Variants in POLR2B observed in about 807,000 individuals in gnomAD.
POLR2B encodes the protein RNA polymerase II subunit B, also known as DNA-directed RNA polymerase II subunit RPB2.
In POLR2B, 57 loss-of-function variants were observed where a neutral mutation model predicts 144.6. The ratio of observed to expected loss-of-function variants is 0.39; its 90% CI spans 0.32 to 0.49. The LOEUF is 0.49. Ranked by LOEUF, POLR2B falls within the 20% of genes least tolerant of loss-of-function variation. The pLI, the probability that POLR2B is intolerant of heterozygous loss-of-function variation, is 0.83. For synonymous variants in POLR2B, 442 were observed against 469.8 expected (o/e 0.94, Z 0.77); for missense variants, 595 against 1,467.4 (o/e 0.41, Z 9.71).
chr4:57,011,287 T>G (rs534121014), intron 13 of POLR2B, among the ~76,000 whole-genome samples, 187 bp downstream of exon 13: 1 of 152,334 alleles, frequency 6.6e-6, no homozygotes, highest in South Asian at 2.1e-4. Context: ...CCCAGCACTT[T>G]GGGAGGCCGA....
intron 16 of POLR2B, among the ~76,000 whole-genome samples, chr4:57,019,807 A>C (rs1723484086): frequency 6.8e-6 from 1 of 147,938 alleles, no homozygotes; most frequent in African/African-American, 2.5e-5. Flanking sequence ...ATTGTATTCA[A>C]ACCTAACGAT....
In POLR2B at chr4:57,010,162, A is replaced by G. The variant is rs2109690512; in HGVS notation, c.1405-199A>G. ...ACCATAAACAGAATGTTTATGTGGT[A>G]TGTTTGAATATATTTGCCATCCCTG... On this transcript the variant is annotated intron_variant, in intron 10 of 24. Coordinates refer to ENST00000314595, the MANE Select transcript of POLR2B (RefSeq NM_000938.3). The G allele has an allele frequency of 5.6e-6, 3 of 536,546 alleles. No homozygotes were observed. In the Middle Eastern group the frequency reaches 1.5e-3, roughly 273 times the overall value. The allele number at this position is 536,546 out of a possible 1,614,324, so 33.2% of individuals were successfully genotyped here.
chr4:57,001,511 T>C (rs1722854836), intron 7 of POLR2B, among the ~76,000 whole-genome samples: 1 of 152,218 alleles, frequency 6.6e-6, no homozygotes, highest in Admixed American at 6.5e-5. Context: ...GGACAGGCCA[T>C]TTATTTTGTA....
Position 57,017,648 on chromosome 4 carries a change from C to T in POLR2B, c.2243C>T (p.Ala748Val). The change falls in exon 16 of 25, where the codon GCC (alanine) becomes GTC (valine). Residue 748 changes from alanine (A) to valine (V), a missense_variant. Around this residue, in one of 9 missense-constraint regions of POLR2B, gnomAD observed 39 missense variants for 174.3 expected, o/e 0.22. Transcript: ENST00000314595. The surrounding 1 kb of genome is among the most constrained non-coding windows in gnomAD (Gnocchi z 4.8). Reference protein sequence around the residue: ...TNFHVRMDTLAHVLYYPQKPL... With the variant: ...TNFHVRMDTLVHVLYYPQKPL... ...TTCCATGTTCGCATGGACACATTGG[C>T]CCATGTTCTCTATTATCCTCAAAAG... 2.5e-6 allele frequency: 4 copies of T among 1,613,024 alleles called. No homozygotes were observed. The highest frequency in any genetic ancestry group is 3.4e-6 in the Non-Finnish European group (4 of 1,179,034).
chr4:57,002,670 T>C (rs1035001854), intron 7 of POLR2B: 12 of 152,186 alleles, frequency 7.9e-5, no homozygotes, highest in African/African-American at 2.9e-4. Context: ...ATTGGAATTT[T>C]GATGTTTAAA....
intron 16 of POLR2B, among the ~76,000 whole-genome samples, chr4:57,020,679 G>C (rs939327177): frequency 5.9e-5 from 9 of 152,096 alleles, no homozygotes; most frequent in Admixed American, 1.3e-4. Flanking sequence ...GATACATTGG[G>C]AGTGACTAGT....
chr4:57,005,149 TA>T (rs1446234904), intron 7 of POLR2B, 96 bp from the exon 8 acceptor site: 10 of 613,440 alleles, frequency 1.6e-5, no homozygotes, highest in South Asian at 3.2e-5. Flanking sequence ...ATTATGTTCA[TA>T]GGGGTACTTG....
intron 10 of POLR2B, chr4:57,009,714 A>G (rs1011439092): frequency 6.6e-6 from 1 of 152,158 alleles, no homozygotes; most frequent in African/African-American, 2.4e-5. Context: ...GAGAAAGGTG[A>G]TGCTGCTTAT....
chr4:56,994,383 T>C, intron 3 of POLR2B, 21 bp from the exon 4 acceptor site: 1 of 1,235,962 alleles, frequency 8.1e-7, no homozygotes. Context: ...ACCCTTTTCA[T>C]GTTTTTTTGT....
Position 57,022,022 on chromosome 4 carries a change from A to C in POLR2B, c.2421-130A>C. On this transcript the variant is annotated intron_variant, in intron 17 of 24. Coordinates refer to ENST00000314595, the MANE Select transcript of POLR2B (RefSeq NM_000938.3). Reference sequence around the variant, plus strand: ...AGAGTTTAACTCAGATCCTTAATGCAGTTACTCTTGTCCCAGATTCGTAGT... The same window carrying C: ...AGAGTTTAACTCAGATCCTTAATGCCGTTACTCTTGTCCCAGATTCGTAGT... 6.5e-6 allele frequency: 4 copies of C among 615,490 alleles called. No homozygotes were observed. The South Asian group carries it at 8.2e-5, about 13-fold the overall frequency. 38.1% of individuals were successfully genotyped at this position (615,490 alleles called of 1,614,324 possible). A position where few individuals can be genotyped will look rare whatever the true frequency, so the allele number is the denominator to read the frequency against.
chr4:56,999,022 T>A (rs1722774081), intron 6 of POLR2B, among the ~76,000 whole-genome samples: 1 of 152,150 alleles, frequency 6.6e-6, no homozygotes, highest in Non-Finnish European at 1.5e-5. Flanking sequence ...CATAGGTTAG[T>A]AACTTTTAAT....
intron 14 of POLR2B, among the ~76,000 whole-genome samples, chr4:57,015,910 C>G (rs945136118): frequency 6.6e-6 from 1 of 152,104 alleles, no homozygotes; most frequent in African/African-American, 2.4e-5. Context: ...AGGTGTGTGC[C>G]ACCACACCCA....
At chr4:56,979,111 G>C in intron 1 of POLR2B, 107 bp downstream of exon 1, 1 of 1,165,654 alleles carries the variant, frequency 8.6e-7, no homozygotes, top group Non-Finnish European at 1.3e-6. Flanking sequence ...CGGCTGCACA[G>C]TCCCCAGCCT....
chr4:56,996,441 C>T lies in POLR2B; in HGVS notation c.735+1032C>T, dbSNP rs895317116. Among the ~76,000 whole-genome samples, 9 of 150,542 alleles carry T rather than the reference C, an allele frequency of 6.0e-5. No homozygotes were observed. The South Asian group carries it at 6.3e-4, about 11-fold the overall frequency. ...GACTACAGGCGCCCGCCACCGCGCCCGGCTAATTTTTTTTTTGTATTTTTA... is the reference window on the plus strand; with the variant it reads ...GACTACAGGCGCCCGCCACCGCGCCTGGCTAATTTTTTTTTTGTATTTTTA... On this transcript the variant is annotated intron_variant, in intron 6 of 24. Coordinates refer to ENST00000314595, the MANE Select transcript of POLR2B (RefSeq NM_000938.3).
intron 10 of POLR2B, among the ~76,000 whole-genome samples, chr4:57,007,275 T>C (rs1470511820): frequency 2.0e-5 from 3 of 152,000 alleles, no homozygotes; most frequent in African/African-American, 4.8e-5. Flanking sequence ...CTGGGCATGG[T>C]GGTGGGTGTC....
intron 3 of POLR2B, among the ~76,000 whole-genome samples, chr4:56,992,646 G>A (rs1167496199): frequency 1.4e-4 from 20 of 145,628 alleles, no homozygotes; most frequent in African/African-American, 5.1e-4. Flanking sequence ...TGCAGGCTCC[G>A]CCTTCCGGGT....
At position 56,978,966 on chromosome 4, in the gene POLR2B, C is replaced by T; in HGVS notation, c.-20C>T. On this transcript the variant is annotated 5_prime_UTR_variant, in exon 1 of 25. Transcript: ENST00000314595. ...GTCTTTTGATTTCAAGAGTTAGGAG[C>T]TCGAGAACCGTTTGGCAATATGTAC... The T allele has an allele frequency of 6.2e-7, 1 of 1,613,336 alleles. No homozygotes were observed. The highest frequency in any genetic ancestry group is 1.1e-5 in the South Asian group (1 of 91,058).
rs377021792 is a variant in POLR2B at position 57,015,496 on chromosome 4, A to G, written c.1801-6A>G. The G allele has an allele frequency of 8.2e-6, 11 of 1,345,320 alleles. No homozygotes were observed. The East Asian group carries it at 1.1e-4, about 13-fold the overall frequency. 83.3% of individuals were successfully genotyped at this position (1,345,320 alleles called of 1,614,324 possible). A position where few individuals can be genotyped will look rare whatever the true frequency, so the allele number is the denominator to read the frequency against. On this transcript the variant is annotated splice_region_variant and splice_polypyrimidine_tract_variant and intron_variant, in intron 13 of 24. Transcript: ENST00000314595. ...TTGTGGAACTGTTTTTTCTTTTTAT[A>G]TGTAGGTTTCTATGATCAGAGATAT... is the stretch of plus-strand genomic sequence containing the variant.
chr4:56,993,946 CTA>C (rs1208136449), intron 3 of POLR2B, among the ~76,000 whole-genome samples: 2 of 152,160 alleles, frequency 1.3e-5, no homozygotes, highest in Non-Finnish European at 2.9e-5. Context: ...GCACAAGAAA[CTA>C]TGTAGATCAT....
Sources: gnomAD v4.1 joint callset for allele counts (sites outside exome capture counted in the v4.1 genomes callset) on GRCh38, gnomAD v4.1.1 for gene constraint, gnomAD v4.1.1 regional missense constraint, Gnocchi (gnomAD v3.1) non-coding constraint, MANE v1.5 for transcripts, NCBI Gene and HGNC (gene_info 2026-07-23, HGNC 2026-07-21) for gene names.